Variants in ARHGAP24 observed in about 807,000 individuals in gnomAD.
ARHGAP24 encodes the protein rho GTPase-activating protein 24.
A neutral mutation model predicts 76.4 loss-of-function variants in ARHGAP24; 50 were observed. That is an observed-to-expected ratio of 0.65 (90% CI 0.52 to 0.83). The LOEUF (loss-of-function observed/expected upper bound fraction) is 0.83, where lower values mean the gene tolerates loss of function less well. Ranked by LOEUF, ARHGAP24 falls within the 40% of genes least tolerant of loss-of-function variation. The pLI is 0.00. For missense variants in ARHGAP24, 930 were observed against 914.2 expected, an observed-to-expected ratio of 1.02 and a Z score of -0.22; for synonymous variants, 345 against 323.3, an observed-to-expected ratio of 1.07 and a Z score of -0.72.
chr4:85,508,742 C>T (rs996359365), intron 1 of ARHGAP24, among the ~76,000 whole-genome samples: 2 of 152,138 alleles, frequency 1.3e-5, no homozygotes, highest in Non-Finnish European at 2.9e-5. Flanking sequence ...TCTTTCTCCC[C>T]TCTCCACGGA....
At chr4:85,862,435 C>CT (rs1390347552) in intron 3 of ARHGAP24, among the ~76,000 whole-genome samples, 1 of 152,044 alleles carries the variant, frequency 6.6e-6, no homozygotes, top group Admixed American at 6.6e-5. Flanking sequence ...CTGGGATTGG[C>CT]TAAGACTCGG....
chr4:85,757,713 G>T (rs553000211), intron 3 of ARHGAP24, among the ~76,000 whole-genome samples: 1 of 152,114 alleles, frequency 6.6e-6, no homozygotes, highest in Non-Finnish European at 1.5e-5. Context: ...ATGATTTATA[G>T]TCCTTTGGGT....
chr4:85,483,579 T>C (rs1334585693), intron 1 of ARHGAP24, among the ~76,000 whole-genome samples: 1 of 152,036 alleles, frequency 6.6e-6, no homozygotes, highest in African/African-American at 2.4e-5. Flanking sequence ...GCCACTGCAC[T>C]GCAGCCTGGG....
intron 2 of ARHGAP24, among the ~76,000 whole-genome samples, chr4:85,580,046 A>G (rs1727543674): frequency 6.6e-6 from 1 of 151,990 alleles, no homozygotes; most frequent in Non-Finnish European, 1.5e-5. Context: ...TTTTTATTCA[A>G]TTTCAATCTA....
chr4:85,966,478 CCATG>C, intron 5 of ARHGAP24, among the ~76,000 whole-genome samples: 2 of 152,242 alleles, frequency 1.3e-5, no homozygotes, highest in Admixed American at 1.3e-4. Context: ...GTGCAATAAG[CCATG>C]ACAGTTTAAC....
At chr4:85,592,012 A>G (rs1035597025) in intron 2 of ARHGAP24, among the ~76,000 whole-genome samples, 3 of 151,658 alleles carry the variant, frequency 2.0e-5, no homozygotes, top group Non-Finnish European at 4.4e-5. Flanking sequence ...AATTTTGAAA[A>G]CCTCTGGCTC....
intron 2 of ARHGAP24, among the ~76,000 whole-genome samples, chr4:85,694,165 C>T (rs1723783815): frequency 6.6e-6 from 1 of 152,022 alleles, no homozygotes; most frequent in African/African-American, 2.4e-5. Flanking sequence ...GTTGTTTACT[C>T]AAAATTTTGG....
chr4:85,697,346 C>G (rs1350218205), intron 2 of ARHGAP24, among the ~76,000 whole-genome samples: 1 of 151,954 alleles, frequency 6.6e-6, no homozygotes, highest in Non-Finnish European at 1.5e-5. Context: ...CATCCATGTC[C>G]CCACAAAGGA....
intron 3 of ARHGAP24, among the ~76,000 whole-genome samples, chr4:85,771,020 T>G (rs1366014788): frequency 6.6e-6 from 1 of 152,362 alleles, no homozygotes; most frequent in East Asian, 1.9e-4. Context: ...CAAAATAGCT[T>G]GGGGGTCCCC....
chr4:85,701,522 C>T (rs996697754), intron 2 of ARHGAP24, among the ~76,000 whole-genome samples: 12 of 151,966 alleles, frequency 7.9e-5, no homozygotes, highest in African/African-American at 1.9e-4. Flanking sequence ...AAAACTGTAC[C>T]GTATGCATCT....
chr4:85,757,230 TA>T lies in ARHGAP24; in HGVS notation c.268+35260del, dbSNP rs66840347. Reference sequence around the variant, plus strand: ...AACCAATTCTTTTTTTTTTTTTTTTTAATTAAACTAAGTTCTAGGGTACATG... The same window carrying T: ...AACCAATTCTTTTTTTTTTTTTTTTTATTAAACTAAGTTCTAGGGTACATG... On this transcript the variant is annotated intron_variant, in intron 3 of 9. Transcript: ENST00000395184. 2.3e-4 allele frequency among the ~76,000 whole-genome samples: 34 copies of T among 145,530 alleles called. 6 individuals carry two copies. Among genetic ancestry groups the T allele is most frequent in the South Asian group, 8.7e-4 (4 of 4,594 alleles).
intron 3 of ARHGAP24, among the ~76,000 whole-genome samples, chr4:85,884,613 T>A (rs1304034032): frequency 1.3e-5 from 2 of 152,068 alleles, no homozygotes; most frequent in Admixed American, 1.3e-4. Flanking sequence ...TATAAACTAA[T>A]CTCCATGCAA....
chr4:85,628,937 G>T (rs1721066227), intron 2 of ARHGAP24, among the ~76,000 whole-genome samples: 2 of 152,120 alleles, frequency 1.3e-5, no homozygotes, highest in Admixed American at 1.3e-4. Flanking sequence ...TATCCATTCA[G>T]CTATTCTATG....
At chr4:85,665,616 T>G (rs1309733297) in intron 2 of ARHGAP24, among the ~76,000 whole-genome samples, 3 of 152,208 alleles carry the variant, frequency 2.0e-5, no homozygotes, top group Non-Finnish European at 4.4e-5. Flanking sequence ...GCCTCGATGG[T>G]CTTTACAATT....
intron 1 of ARHGAP24, among the ~76,000 whole-genome samples, chr4:85,568,413 A>C (rs1467889792): frequency 6.6e-6 from 1 of 152,194 alleles, no homozygotes; most frequent in Non-Finnish European, 1.5e-5. Flanking sequence ...GGCAGTGATG[A>C]AACAGCAAGT....
rs569706931 is a variant in ARHGAP24, at chr4:85,977,129, A to C, written c.807-441A>C. Among the ~76,000 whole-genome samples the C allele has an allele frequency of 2.0e-5, 3 of 152,154 alleles. No homozygotes were observed. The South Asian group carries it at 6.2e-4, about 32-fold the overall frequency. On this transcript the variant is annotated intron_variant, in intron 7 of 9. Coordinates refer to ENST00000395184, the MANE Select transcript of ARHGAP24 (RefSeq NM_001025616.3). ...CATTTCTTAATATACTATAATTTTG[A>C]AGCTCACAAATTACTCCACAAAAAG...
chr4:85,596,441 G>C (rs1719838458), intron 2 of ARHGAP24, among the ~76,000 whole-genome samples: 1 of 152,064 alleles, frequency 6.6e-6, no homozygotes, highest in Non-Finnish European at 1.5e-5. Flanking sequence ...GCCATAAAAA[G>C]TGTTGTTGTT....
At position 86,000,461 on chromosome 4, in the gene ARHGAP24, C is replaced by CA; in HGVS notation, c.2004-18_2004-17insA. ...CTCTTGCGTCCCCACCCCCCACCCC[C>CA]CCCAACATCCTTTGTAGCTTAGAAC... On this transcript the variant is annotated splice_polypyrimidine_tract_variant and intron_variant, in intron 9 of 9. Transcript: ENST00000395184. 3.5e-6 allele frequency: 3 copies of CA among 861,122 alleles called. No individual in the cohort carries two copies. Among genetic ancestry groups the CA allele is most frequent in the Non-Finnish European group, 5.2e-6 (3 of 571,594 alleles). The allele number at this position is 861,122 out of a possible 1,614,324, so 53.3% of individuals were successfully genotyped here.
chr4:85,679,010 G>A (rs1299305275), intron 2 of ARHGAP24, among the ~76,000 whole-genome samples: 2 of 152,142 alleles, frequency 1.3e-5, no homozygotes, highest in Non-Finnish European at 2.9e-5. Context: ...GACAGGCGCA[G>A]GAGTCACGCA....
Sources: allele counts gnomAD v4.1 joint callset (sites outside exome capture counted in the v4.1 genomes callset), GRCh38; gene constraint gnomAD v4.1.1; transcripts MANE v1.5; gene names NCBI Gene and HGNC (gene_info 2026-07-23, HGNC 2026-07-21).